IPCEF1: variants seen among roughly 807,000 people sequenced by gnomAD.
The protein encoded by IPCEF1 is interactor protein for cytohesin exchange factors 1.
In IPCEF1, 31 loss-of-function variants were observed where a neutral mutation model predicts 50.9. The observed-to-expected ratio is 0.61, with a 90% confidence interval of 0.46 to 0.82. IPCEF1 has a LOEUF of 0.82. IPCEF1 is among the 40% of genes least tolerant of loss of function. The pLI, the probability that IPCEF1 is intolerant of heterozygous loss-of-function variation, is 0.00. For synonymous variants in IPCEF1, 181 were observed against 192.0 expected (o/e 0.94, Z 0.47); for missense variants, 458 against 514.0 (o/e 0.89, Z 1.05).
At chr6:154,160,534 A>T (rs542536962) in intron 11 of IPCEF1, among the ~76,000 whole-genome samples, 1 of 152,350 alleles carries the variant, frequency 6.6e-6, no homozygotes, top group African/African-American at 2.4e-5. Context: ...ATACAGAATA[A>T]ATACACAGAT....
At chr6:154,356,641 C>T (rs1454844360) in intron 1 of IPCEF1, 31 bp downstream of exon 1, 1 of 152,232 alleles carries the variant, frequency 6.6e-6, no homozygotes, top group Non-Finnish European at 1.5e-5. Flanking sequence ...AGTTACCTCT[C>T]ATACATCAGC....
At position 154,168,356 on chromosome 6, in the gene IPCEF1, C is replaced by A. The variant is rs577348048; in HGVS notation, c.911-243G>T. ...GAGTTATTCCAAGCCTCTCTCCTGG[C>A]TTCAAGTGGTTTTTTGGTTTGTGGC... On this transcript the variant is annotated intron_variant, in intron 10 of 11. Transcript: ENST00000367220. The surrounding 1 kb of genome is among the most constrained non-coding windows in gnomAD (Gnocchi z 4.1). Among the ~76,000 whole-genome samples the A allele has an allele frequency of 6.6e-6, 1 of 152,226 alleles. No homozygotes were observed. Among genetic ancestry groups the A allele is most frequent in the African/African-American group, 2.4e-5 (1 of 41,528 alleles).
intron 5 of IPCEF1, among the ~76,000 whole-genome samples, chr6:154,225,958 A>C (rs1295835667): frequency 6.6e-6 from 1 of 152,150 alleles, no homozygotes; most frequent in Non-Finnish European, 1.5e-5. Flanking sequence ...TTGAACTCTA[A>C]GTGACGCTGT....
intron 10 of IPCEF1, among the ~76,000 whole-genome samples, chr6:154,178,381 G>T (rs1030451325): frequency 6.6e-6 from 1 of 151,970 alleles, no homozygotes; most frequent in Admixed American, 6.6e-5. Flanking sequence ...GGATAACATG[G>T]CATATAATAT....
chr6:154,264,616 C>T (rs576390699), intron 3 of IPCEF1, among the ~76,000 whole-genome samples: 17 of 152,162 alleles, frequency 1.1e-4, no homozygotes, highest in Admixed American at 3.3e-4. Context: ...TCAAGTGATC[C>T]ACCCACCTCG....
chr6:154,191,272 G>T (rs1411292823), intron 10 of IPCEF1, among the ~76,000 whole-genome samples: 2 of 152,138 alleles, frequency 1.3e-5, no homozygotes, highest in African/African-American at 4.8e-5. Context: ...GGAGCACAGG[G>T]GATATTTTTT....
At chr6:154,177,861 T>A (rs1169027675) in intron 10 of IPCEF1, among the ~76,000 whole-genome samples, 1 of 152,186 alleles carries the variant, frequency 6.6e-6, no homozygotes, top group African/African-American at 2.4e-5. Context: ...GTGGCACTAT[T>A]CACAATAGCA....
At position 154,265,927 on chromosome 6, in the gene IPCEF1, A is replaced by G. The variant is rs1412317702; in HGVS notation, c.21T>C (p.Ile7=). The G allele has an allele frequency of 6.2e-7, 1 of 1,603,432 alleles. No homozygotes were observed. The highest frequency in any genetic ancestry group is 1.1e-5 in the South Asian group (1 of 89,176). The change falls in exon 3 of 12, where the codon ATT becomes ATC. Residue 7 remains isoleucine, a synonymous_variant. Transcript: ENST00000367220. MTSYMA[I]DGSALQVPLR... ...GGATACTTACAAGAGCACTGCCATC[A>G]ATAGCCATGTATGATGTCATCTTAG...
chr6:154,328,834 T>C (rs941472586), intron 1 of IPCEF1, among the ~76,000 whole-genome samples: 3 of 152,172 alleles, frequency 2.0e-5, no homozygotes, highest in Non-Finnish European at 4.4e-5. Context: ...TTAGAAAAAT[T>C]AAGCAATTGA....
chr6:154,288,815 G>C (rs898183256), intron 2 of IPCEF1, among the ~76,000 whole-genome samples: 1 of 151,792 alleles, frequency 6.6e-6, no homozygotes, highest in Non-Finnish European at 1.5e-5. Flanking sequence ...TATAATCCTA[G>C]TTCTTTGGGA....
At chr6:154,316,701 G>A (rs1358781226) in intron 1 of IPCEF1, among the ~76,000 whole-genome samples, 1 of 152,112 alleles carries the variant, frequency 6.6e-6, no homozygotes, top group Non-Finnish European at 1.5e-5. Context: ...TGTACAGCAT[G>A]GTAAGTACAG....
In IPCEF1 at chr6:154,326,643, A is replaced by T. The variant is rs182153215; in HGVS notation, c.-62+30029T>A. On this transcript the variant is annotated intron_variant, in intron 1 of 11. Coordinates refer to ENST00000367220, the MANE Select transcript of IPCEF1 (RefSeq NM_001130700.2). ...TCATGAGAATGGCCATATTGCTCAA[A>T]GTAACTTATGGATTCAATGCTATTC... is the stretch of plus-strand genomic sequence containing the variant. Among the ~76,000 whole-genome samples the T allele has an allele frequency of 2.6e-4, 39 of 152,352 alleles. No individual in the cohort carries two copies. In the East Asian group the frequency reaches 6.4e-3, roughly 25 times the overall value.
chr6:154,269,316 C>T (rs2128657117), intron 2 of IPCEF1, among the ~76,000 whole-genome samples: 1 of 152,262 alleles, frequency 6.6e-6, no homozygotes, highest in South Asian at 2.1e-4. Flanking sequence ...ATCATACCTC[C>T]TTCGGTCAAA....
chr6:154,266,804 G>C (rs1257936748), intron 2 of IPCEF1, among the ~76,000 whole-genome samples: 1 of 151,780 alleles, frequency 6.6e-6, no homozygotes, highest in Non-Finnish European at 1.5e-5. Flanking sequence ...GATATTCTGT[G>C]GTTTCAAGAA....
chr6:154,246,510 C>T (rs1781057166), intron 5 of IPCEF1, 81 bp downstream of exon 5: 1 of 1,440,060 alleles, frequency 6.9e-7, no homozygotes, highest in African/African-American at 1.4e-5. Context: ...TCAAAATGAA[C>T]TTTCCCATAG....
chr6:154,244,301 G>T (rs868866628), intron 5 of IPCEF1, among the ~76,000 whole-genome samples: 2,312 of 148,048 alleles, frequency 0.016, 63 homozygotes, highest in African/African-American at 0.053. Context: ...TGTGTGGGTG[G>T]GTGTGTGTGT....
In IPCEF1 at chr6:154,194,053, G is replaced by A. The variant is rs1278006617; in HGVS notation, c.910+5615C>T. Reference sequence around the variant, plus strand: ...GACCATGAGCAGTGGTACACCTAGCGTACTTAACGCCCAGGGCAGATCACT... The same window carrying A: ...GACCATGAGCAGTGGTACACCTAGCATACTTAACGCCCAGGGCAGATCACT... On this transcript the variant is annotated intron_variant, in intron 10 of 11. Coordinates refer to ENST00000367220, the MANE Select transcript of IPCEF1 (RefSeq NM_001130700.2). Among the ~76,000 whole-genome samples, 5 of 152,154 alleles carry A rather than the reference G, an allele frequency of 3.3e-5. 1 individual carries two copies. The South Asian group carries it at 6.2e-4, about 19-fold the overall frequency.
intron 1 of IPCEF1, among the ~76,000 whole-genome samples, chr6:154,294,497 G>A (rs563815014): frequency 6.6e-6 from 1 of 152,268 alleles, no homozygotes; most frequent in African/African-American, 2.4e-5. Context: ...AGACAGCCAA[G>A]TATAAAGGGG....
intron 2 of IPCEF1, among the ~76,000 whole-genome samples, chr6:154,282,472 G>A (rs1387725999): frequency 6.6e-6 from 1 of 152,134 alleles, no homozygotes; most frequent in Non-Finnish European, 1.5e-5. Flanking sequence ...CACGAGGTCA[G>A]GAGATCGAGA....
Sources: gnomAD v4.1 joint callset for allele counts (sites outside exome capture counted in the v4.1 genomes callset) on GRCh38, gnomAD v4.1.1 for gene constraint, Gnocchi (gnomAD v3.1) non-coding constraint, MANE v1.5 for transcripts, NCBI Gene and HGNC (gene_info 2026-07-23, HGNC 2026-07-21) for gene names.